DGKB: variants seen among roughly 807,000 people sequenced by gnomAD.
DGKB encodes diacylglycerol kinase beta, also known as 90 kDa diacylglycerol kinase.
Under a neutral mutation model 114.3 loss-of-function variants are expected in DGKB, and 67 were observed. The observed-to-expected ratio is 0.59, with a 90% CI of 0.48 to 0.72. The LOEUF (loss-of-function observed/expected upper bound fraction) is 0.72, where lower values mean the gene tolerates loss of function less well. Among genes scored for constraint, DGKB ranks in the 30% least tolerant of loss-of-function variants. The probability of loss-of-function intolerance (pLI) is 0.00; values close to 1 mark genes in which losing one functional copy is unlikely to be tolerated. For missense variants in DGKB, 907 were observed against 975.2 expected (o/e 0.93, Z 0.93); for synonymous variants, 398 against 323.1 (o/e 1.23, Z -2.49).
intron 23 of DGKB, among the ~76,000 whole-genome samples, chr7:14,204,798 C>T (rs955617333): frequency 2.0e-5 from 3 of 151,914 alleles, no homozygotes; most frequent in African/African-American, 4.8e-5. Flanking sequence ...AGAGAACGTA[C>T]GTTCATGTAG....
chr7:14,283,958 G>A (rs1322679588), intron 23 of DGKB, among the ~76,000 whole-genome samples: 1 of 152,054 alleles, frequency 6.6e-6, no homozygotes, highest in Admixed American at 6.6e-5. Flanking sequence ...GCATGGGCAA[G>A]GACTTCATGT....
rs72000049 is a variant in DGKB, at chr7:14,260,109, AACACACACAC to A, written c.2122+78396_2122+78405del. ...GTGTACACACACACACACACACATG[AACACACACAC>A]ACACACACACACACACACAGTTGAA... On this transcript the variant is annotated intron_variant, in intron 23 of 25. Transcript: ENST00000402815. Among the ~76,000 whole-genome samples, 110 of 143,388 alleles carry A rather than the reference AACACACACAC, an allele frequency of 7.7e-4. No individual in the cohort carries two copies. The East Asian group carries it at 0.016, about 20-fold the overall frequency. The allele number at this position is 143,388 out of a possible 152,430, so 94.1% of individuals were successfully genotyped here.
chr7:14,191,419 G>A (rs2128273118), intron 23 of DGKB: 1 of 166,546 alleles, frequency 6.0e-6, no homozygotes, highest in South Asian at 1.8e-4. Context: ...TTGGTTCAAG[G>A]GATGGAAAAT....
intron 12 of DGKB, among the ~76,000 whole-genome samples, chr7:14,676,742 A>G (rs1018167602): frequency 6.6e-6 from 1 of 152,004 alleles, no homozygotes; most frequent in African/African-American, 2.4e-5. Flanking sequence ...TATATCCCAA[A>G]TCAGCAAAAT....
intron 5 of DGKB, among the ~76,000 whole-genome samples, chr7:14,726,385 G>A (rs1222905447): frequency 6.6e-6 from 1 of 151,924 alleles, no homozygotes; most frequent in African/African-American, 2.4e-5. Flanking sequence ...GGTGATCCAT[G>A]GCCTCCCAAA....
intron 23 of DGKB, among the ~76,000 whole-genome samples, chr7:14,252,655 T>C (rs75510247): frequency 0.072 from 10,910 of 152,148 alleles, 485 homozygotes; most frequent in East Asian, 0.18. Flanking sequence ...AGGCCTTGTC[T>C]CAAGGCCTGA....
At chr7:14,741,957 T>G (rs911747860) in intron 4 of DGKB, among the ~76,000 whole-genome samples, 2 of 152,236 alleles carry the variant, frequency 1.3e-5, no homozygotes, top group African/African-American at 4.8e-5. Flanking sequence ...GGATCTTGTT[T>G]TTCTGAGAAA....
chr7:14,310,870 C>T (rs746461356), intron 23 of DGKB, among the ~76,000 whole-genome samples: 17 of 152,180 alleles, frequency 1.1e-4, no homozygotes, highest in Middle Eastern at 3.4e-3. Flanking sequence ...CGGTGGCTGA[C>T]GCCTGTAATC....
chr7:14,370,323 C>T (rs1174445138), intron 21 of DGKB, among the ~76,000 whole-genome samples: 1 of 151,690 alleles, frequency 6.6e-6, no homozygotes, highest in East Asian at 1.9e-4. Context: ...GTTTTGGTTA[C>T]TGTAGCCTTG....
At chr7:14,543,054 C>T (rs1335201393) in intron 20 of DGKB, among the ~76,000 whole-genome samples, 1 of 152,124 alleles carries the variant, frequency 6.6e-6, no homozygotes, top group African/African-American at 2.4e-5. Flanking sequence ...TGTCATTTTT[C>T]ATTCTATCTG....
At chr7:14,796,093 G>A (rs1027056534) in intron 2 of DGKB, among the ~76,000 whole-genome samples, 3 of 152,088 alleles carry the variant, frequency 2.0e-5, no homozygotes, top group Admixed American at 6.5e-5. Flanking sequence ...TAAAGCTTGG[G>A]TGGAAGAATG....
At chr7:14,793,830 C>T (rs1337701623) in intron 2 of DGKB, among the ~76,000 whole-genome samples, 1 of 151,994 alleles carries the variant, frequency 6.6e-6, no homozygotes, top group Non-Finnish European at 1.5e-5. Context: ...AGATTAGCAT[C>T]TAAATCTGTG....
chr7:14,378,936 A>T (rs1167642554), intron 21 of DGKB, among the ~76,000 whole-genome samples: 1 of 152,094 alleles, frequency 6.6e-6, no homozygotes, highest in Non-Finnish European at 1.5e-5. Flanking sequence ...GAAGCAGGAA[A>T]GTGGTTGTTA....
At chr7:14,753,564 A>T (rs1021873813) in intron 4 of DGKB, among the ~76,000 whole-genome samples, 1 of 152,202 alleles carries the variant, frequency 6.6e-6, no homozygotes, top group African/African-American at 2.4e-5. Flanking sequence ...ATGCAATTTT[A>T]AAATTTCCCA....
In DGKB at chr7:14,577,573, C is replaced by A. The variant is rs566186761; in HGVS notation, c.1610-3201G>T. Among the ~76,000 whole-genome samples, 11 of 152,024 alleles carry A rather than the reference C, an allele frequency of 7.2e-5. No individual in the cohort carries two copies. The South Asian group carries it at 2.3e-3, about 32-fold the overall frequency. ...CGGAGCCTGCAGTGAGCTGAGATTG[C>A]GCCACTGCACTCCAGCCTGGGCCAA... On this transcript the variant is annotated intron_variant, in intron 19 of 25. Transcript: ENST00000402815.
rs150753249 is a variant in DGKB at position 14,947,949 on chromosome 7, C to A, written c.-188+26747G>T. ...AAGGAAAAAAATAAACAATCCCTCC[C>A]TTCAGAGAATGGATTTCAGACATTC... On this transcript the variant is annotated intron_variant, in intron 1 of 4. Transcript: ENST00000437998. 4.2e-3 allele frequency among the ~76,000 whole-genome samples: 643 copies of A among 151,872 alleles called. 4 individuals carry two copies. Among genetic ancestry groups the A allele is most frequent in the African/African-American group, 0.015 (617 of 41,508 alleles).
rs1352934723 is a variant in DGKB, at chr7:14,756,420, TA to T, written c.147+1234del. Among the ~76,000 whole-genome samples the T allele has an allele frequency of 2.6e-5, 4 of 151,948 alleles. No homozygotes were observed. The East Asian group carries it at 7.7e-4, about 29-fold the overall frequency. On this transcript the variant is annotated intron_variant, in intron 3 of 25. Transcript: ENST00000402815. ...ACAAGGGAAATGTAGGTCAAACATC[TA>T]TTTTTTTTCTAATACAGAAAAAGGG...
chr7:14,877,285 G>A (rs1853442463), intron 1 of DGKB, among the ~76,000 whole-genome samples: 1 of 152,154 alleles, frequency 6.6e-6, no homozygotes, highest in Non-Finnish European at 1.5e-5. Flanking sequence ...GCCGGGTGTG[G>A]TGGCTCATGC....
intron 20 of DGKB, among the ~76,000 whole-genome samples, chr7:14,500,900 ACG>A (rs1311931246): frequency 6.6e-6 from 1 of 151,938 alleles, no homozygotes; most frequent in Admixed American, 6.6e-5. Flanking sequence ...AAATATGACA[ACG>A]GCTGTAAACA....
Sources: gnomAD v4.1 joint callset for allele counts (sites outside exome capture counted in the v4.1 genomes callset) on GRCh38, gnomAD v4.1.1 for gene constraint, MANE v1.5 for transcripts, NCBI Gene and HGNC (gene_info 2026-07-23, HGNC 2026-07-21) for gene names.